B3GALT1: variants seen among roughly 807,000 people sequenced by gnomAD.
The protein encoded by B3GALT1 is beta-1,3-galactosyltransferase 1.
B3GALT1 carries 10 observed loss-of-function variants against 23.2 expected under a neutral mutation model. The ratio of observed to expected loss-of-function variants is 0.43; its 90% CI spans 0.27 to 0.73. The LOEUF (loss-of-function observed/expected upper bound fraction) is 0.73. Among genes scored for constraint, B3GALT1 ranks in the 30% least tolerant of loss-of-function variants. The pLI, the probability that B3GALT1 is intolerant of heterozygous loss-of-function variation, is 0.21. For synonymous variants in B3GALT1, 156 were observed against 141.5 expected, an observed-to-expected ratio of 1.10 and a Z score of -0.73; for missense variants, 299 against 405.4, an observed-to-expected ratio of 0.74 and a Z score of 2.25.
chr2:167,543,889 A>G (rs1019326158), intron 2 of B3GALT1, among the ~76,000 whole-genome samples: 3 of 152,236 alleles, frequency 2.0e-5, no homozygotes, highest in Admixed American at 2.0e-4. Context: ...TTTTCCTTAC[A>G]TAACAAGAAG....
intron 1 of B3GALT1, among the ~76,000 whole-genome samples, chr2:167,427,366 TA>T (rs1232041327): frequency 6.6e-6 from 1 of 152,150 alleles, no homozygotes. Flanking sequence ...TTTTTGATCT[TA>T]AAAAGAAGTA....
chr2:167,512,637 C>CGTGTATATATAT lies in B3GALT1; in HGVS notation c.-410+22360_-410+22361insGTGTATATATAT, dbSNP rs1370092531. 3.2e-3 allele frequency among the ~76,000 whole-genome samples: 211 copies of CGTGTATATATAT among 64,924 alleles called. 8 individuals are homozygous for CGTGTATATATAT. Among genetic ancestry groups the CGTGTATATATAT allele is most frequent in the African/African-American group, 0.015 (195 of 12,802 alleles). The allele number at this position is 64,924 out of a possible 152,430, so 42.6% of individuals were successfully genotyped here. A position where few individuals can be genotyped will look rare whatever the true frequency, so the allele number is the denominator to read the frequency against. On this transcript the variant is annotated intron_variant, in intron 2 of 4. Coordinates refer to ENST00000392690, the MANE Select transcript of B3GALT1 (RefSeq NM_020981.4). ...ATATATATACGTGTATATATATATA[C>CGTGTATATATAT]ATATATATATATATTTTGAGATAGG...
At position 167,486,210 on chromosome 2, in the gene B3GALT1, T is replaced by G. The variant is rs1328358586; in HGVS notation, c.-510-3967T>G. On this transcript the variant is annotated intron_variant, in intron 1 of 4. Coordinates refer to ENST00000392690, the MANE Select transcript of B3GALT1 (RefSeq NM_020981.4). ...CCCAACTCTACTAAAAATACAAAAATTAGCTGGGTGTGGTGGCGCATGCCT... is the reference window on the plus strand; with the variant it reads ...CCCAACTCTACTAAAAATACAAAAAGTAGCTGGGTGTGGTGGCGCATGCCT... 3.5e-5 allele frequency among the ~76,000 whole-genome samples: 5 copies of G among 144,372 alleles called. No individual in the cohort carries two copies. In the East Asian group the frequency reaches 1.1e-3, roughly 31 times the overall value. The allele number at this position is 144,372 out of a possible 152,430, so 94.7% of individuals were successfully genotyped here.
intron 1 of B3GALT1, among the ~76,000 whole-genome samples, chr2:167,420,219 G>A (rs1172107583): frequency 6.6e-6 from 1 of 152,170 alleles, no homozygotes; most frequent in Non-Finnish European, 1.5e-5. Context: ...GTCATCCGTA[G>A]TTTCAAATGA....
At chr2:167,509,847 G>A (rs1205279332) in intron 2 of B3GALT1, among the ~76,000 whole-genome samples, 1 of 152,136 alleles carries the variant, frequency 6.6e-6, no homozygotes, top group Non-Finnish European at 1.5e-5. Context: ...TAGAACAAAG[G>A]AATGACGTGA....
chr2:167,807,139 T>C (rs190253625), intron 3 of B3GALT1, among the ~76,000 whole-genome samples: 5,332 of 152,310 alleles, frequency 0.035, 150 homozygotes, highest in South Asian at 0.069. Context: ...TAGTTTGTAT[T>C]TCTGTGGGAT....
rs188115248 is a variant in B3GALT1, at chr2:167,565,133, A to T, written c.-410+74856A>T. ...ACTACAAGGCTACAGTAACCAAAAC[A>T]GCATGGTACTGGTACCAAAACAGAG... On this transcript the variant is annotated intron_variant, in intron 2 of 4. Transcript: ENST00000392690. 3.8e-3 allele frequency among the ~76,000 whole-genome samples: 572 copies of T among 152,344 alleles called. 3 individuals are homozygous for T. The highest frequency in any genetic ancestry group is 0.013 in the African/African-American group (546 of 41,570).
intron 3 of B3GALT1, among the ~76,000 whole-genome samples, chr2:167,673,158 A>G (rs1574205220): frequency 1.3e-5 from 2 of 152,142 alleles, no homozygotes; most frequent in African/African-American, 2.4e-5. Flanking sequence ...GGTGGGAAAG[A>G]TTCCTTTCTA....
chr2:167,735,812 G>T (rs1407228783), intron 3 of B3GALT1, among the ~76,000 whole-genome samples: 1 of 152,160 alleles, frequency 6.6e-6, no homozygotes, highest in African/African-American at 2.4e-5. Context: ...TAGAAAAATA[G>T]AGGAGCAAGG....
At chr2:167,571,969 G>A (rs184712497) in intron 2 of B3GALT1, among the ~76,000 whole-genome samples, 78 of 151,860 alleles carry the variant, frequency 5.1e-4, no homozygotes, top group African/African-American at 1.9e-3. Flanking sequence ...CAAACAAAAA[G>A]ATGCTATAAT....
At chr2:167,589,249 A>T (rs1684633701) in intron 2 of B3GALT1, among the ~76,000 whole-genome samples, 1 of 152,140 alleles carries the variant, frequency 6.6e-6, no homozygotes, top group South Asian at 2.1e-4. Flanking sequence ...CCCAGCCTAT[A>T]ACCATTTTCT....
chr2:167,742,700 A>T (rs1462936030), intron 3 of B3GALT1, among the ~76,000 whole-genome samples: 2 of 152,108 alleles, frequency 1.3e-5, no homozygotes, highest in African/African-American at 4.8e-5. Flanking sequence ...AAATGATGTA[A>T]TTCTGTTTTT....
chr2:167,420,720 A>G (rs559590930), intron 1 of B3GALT1, among the ~76,000 whole-genome samples: 107 of 152,314 alleles, frequency 7.0e-4, no homozygotes, highest in African/African-American at 2.5e-3. Context: ...ACTCTTGTCC[A>G]TTTTATCAGT....
chr2:167,673,585 T>TA (rs2105485942), intron 3 of B3GALT1, among the ~76,000 whole-genome samples: 1 of 152,098 alleles, frequency 6.6e-6, no homozygotes, highest in East Asian at 1.9e-4. Flanking sequence ...GTTTGCATAC[T>TA]ACCTTGCCCA....
At chr2:167,769,797 T>C (rs565525578) in intron 3 of B3GALT1, among the ~76,000 whole-genome samples, 1 of 152,332 alleles carries the variant, frequency 6.6e-6, no homozygotes, top group South Asian at 2.1e-4. Flanking sequence ...CCACAGTTTA[T>C]TTATCTATTC....
At chr2:167,729,652 G>A (rs921618125) in intron 3 of B3GALT1, among the ~76,000 whole-genome samples, 1 of 151,856 alleles carries the variant, frequency 6.6e-6, no homozygotes, top group African/African-American at 2.4e-5. Context: ...ATTCTTCAAC[G>A]TGTTTCCCTA....
chr2:167,546,562 C>T (rs1293798854), intron 2 of B3GALT1, among the ~76,000 whole-genome samples: 1 of 152,140 alleles, frequency 6.6e-6, no homozygotes, highest in African/African-American at 2.4e-5. Context: ...CCCACCCCAA[C>T]TCCCAGCCAA....
chr2:167,856,252 A>C (rs1461445114), intron 4 of B3GALT1, among the ~76,000 whole-genome samples: 1 of 152,190 alleles, frequency 6.6e-6, no homozygotes, highest in African/African-American at 2.4e-5. Flanking sequence ...TTTTCTATTT[A>C]TGAAAAACAA....
At chr2:167,465,827 C>T (rs1486323569) in intron 1 of B3GALT1, among the ~76,000 whole-genome samples, 2 of 152,100 alleles carry the variant, frequency 1.3e-5, no homozygotes, top group African/African-American at 4.8e-5. Flanking sequence ...TAACTTCATA[C>T]ACCTGCAGGG....
Sources: gnomAD v4.1 joint callset for allele counts (sites outside exome capture counted in the v4.1 genomes callset) on GRCh38, gnomAD v4.1.1 for gene constraint, MANE v1.5 for transcripts, NCBI Gene and HGNC (gene_info 2026-07-23, HGNC 2026-07-21) for gene names.